ASIC2: variants seen among roughly 807,000 people sequenced by gnomAD.
The protein encoded by ASIC2 is acid sensing ion channel subunit 2, also known as acid-sensing ion channel 2.
A neutral mutation model predicts 57.3 loss-of-function variants in ASIC2; 25 were observed. The ratio of observed to expected loss-of-function variants is 0.44; its 90% confidence interval spans 0.32 to 0.61. The LOEUF is 0.61. ASIC2 is among the 20% of genes least tolerant of loss of function. The probability of loss-of-function intolerance (pLI) is 0.06; values close to 1 mark genes in which losing one functional copy is unlikely to be tolerated. For missense variants in ASIC2, 641 were observed against 738.1 expected (o/e 0.87, Z 1.52); for synonymous variants, 319 against 307.5 (o/e 1.04, Z -0.39).
intron 1 of ASIC2, among the ~76,000 whole-genome samples, chr17:34,014,606 C>T (rs1906880470): frequency 1.3e-5 from 2 of 152,166 alleles, no homozygotes; most frequent in Admixed American, 1.3e-4. Context: ...AAACACCAAA[C>T]GTGGCCACAG....
intron 1 of ASIC2, among the ~76,000 whole-genome samples, chr17:33,855,155 A>G (rs1913887624): frequency 6.6e-6 from 1 of 152,134 alleles, no homozygotes; most frequent in Admixed American, 6.5e-5. Flanking sequence ...CTGACACACG[A>G]GGGAGATGAT....
At chr17:34,079,480 A>G (rs1909798696) in intron 1 of ASIC2, among the ~76,000 whole-genome samples, 1 of 152,218 alleles carries the variant, frequency 6.6e-6, no homozygotes, top group Non-Finnish European at 1.5e-5. Flanking sequence ...CAGGTAGACC[A>G]GGTACCTCAC....
Position 33,655,632 on chromosome 17 carries a change from T to C in ASIC2, c.555+500346A>G, listed in dbSNP as rs549415619. Among the ~76,000 whole-genome samples, 24 of 152,316 alleles carry C rather than the reference T, an allele frequency of 1.6e-4. No homozygotes were observed. In the South Asian group the frequency reaches 2.3e-3, roughly 14 times the overall value. On this transcript the variant is annotated intron_variant, in intron 1 of 9. Transcript: ENST00000359872. ...GTTCCAGGAGGCCCTGTCCCTTAAT[T>C]ACCCTGTCTAATCCATCCTGTTCAG...
At chr17:33,935,677 G>A (rs148882732) in intron 1 of ASIC2, 1 of 152,248 alleles carries the variant, frequency 6.6e-6, no homozygotes, top group Non-Finnish European at 1.5e-5. Flanking sequence ...ACAGCTCAGA[G>A]GGTATAAATC....
chr17:33,534,946 AG>A (rs1176674728), intron 1 of ASIC2, among the ~76,000 whole-genome samples: 1 of 152,264 alleles, frequency 6.6e-6, no homozygotes, highest in East Asian at 1.9e-4. Flanking sequence ...TTGGCAGACC[AG>A]TCTAAGTGCC....
intron 1 of ASIC2, among the ~76,000 whole-genome samples, chr17:33,740,263 C>T (rs962997886): frequency 2.0e-5 from 3 of 152,208 alleles, no homozygotes; most frequent in African/African-American, 7.2e-5. Flanking sequence ...TTAGTGCGTT[C>T]TCACACTGCT....
intron 1 of ASIC2, among the ~76,000 whole-genome samples, chr17:33,952,447 A>T (rs1019633487): frequency 5.9e-5 from 9 of 152,148 alleles, no homozygotes; most frequent in Non-Finnish European, 1.2e-4. Context: ...ATAGGACCCC[A>T]CTTCTTAGGG....
intron 1 of ASIC2, among the ~76,000 whole-genome samples, chr17:33,988,021 T>G (rs1439389659): frequency 6.6e-6 from 1 of 152,156 alleles, no homozygotes; most frequent in Non-Finnish European, 1.5e-5. Flanking sequence ...CAAAGAAAAC[T>G]TCCTGGAAGA....
At chr17:33,097,618 G>T (rs1280536555) in intron 2 of ASIC2, among the ~76,000 whole-genome samples, 1 of 152,198 alleles carries the variant, frequency 6.6e-6, no homozygotes, top group Admixed American at 6.5e-5. Flanking sequence ...ACCCTCCCCT[G>T]CCTTTTGTTA....
intron 1 of ASIC2, among the ~76,000 whole-genome samples, chr17:33,147,543 G>T (rs1904610171): frequency 6.6e-6 from 1 of 152,016 alleles, no homozygotes; most frequent in African/African-American, 2.4e-5. Flanking sequence ...TTTCAATTCA[G>T]TATCTTTTTT....
chr17:33,875,417 G>A (rs148660616), intron 1 of ASIC2, among the ~76,000 whole-genome samples: 80 of 152,282 alleles, frequency 5.3e-4, no homozygotes, highest in African/African-American at 1.8e-3. Flanking sequence ...TAGTTGCTTT[G>A]GCAAAAGTGG....
intron 1 of ASIC2, among the ~76,000 whole-genome samples, chr17:33,860,763 TA>T (rs1468102659): frequency 1.3e-5 from 2 of 152,222 alleles, no homozygotes; most frequent in African/African-American, 4.8e-5. Context: ...AGCTCAAAGT[TA>T]AATAGTCTAT....
upstream of ASIC2, among the ~76,000 whole-genome samples, chr17:33,297,969 T>C (rs1905789557): frequency 6.8e-6 from 1 of 148,116 alleles, no homozygotes; most frequent in Admixed American, 6.7e-5. Context: ...TTTTTTTTTT[T>C]TGGTCTTATT....
At chr17:33,506,488 A>G (rs1269313082) in intron 1 of ASIC2, among the ~76,000 whole-genome samples, 3 of 151,878 alleles carry the variant, frequency 2.0e-5, no homozygotes, top group Non-Finnish European at 4.4e-5. Flanking sequence ...ACAGAGAGGA[A>G]GAGAGAGAAT....
intron 1 of ASIC2, among the ~76,000 whole-genome samples, chr17:33,519,120 G>A (rs986967582): frequency 5.9e-5 from 9 of 152,172 alleles, no homozygotes; most frequent in African/African-American, 9.7e-5. Flanking sequence ...GCGCCGGGCC[G>A]ATAACTACTC....
At chr17:33,269,972 T>G (rs1156459793) in intron 1 of ASIC2, among the ~76,000 whole-genome samples, 1 of 152,212 alleles carries the variant, frequency 6.6e-6, no homozygotes, top group Non-Finnish European at 1.5e-5. Flanking sequence ...CCAGCCCAGA[T>G]GCCTCTCTGC....
At position 34,156,152 on chromosome 17, in the gene ASIC2, A is replaced by T; in HGVS notation, c.381T>A (p.His127Gln). Residue 127 changes from histidine to glutamine, a missense_variant, in exon 1 of 10, where the codon CAT (histidine) becomes CAA (glutamine). Transcript: ENST00000359872. This position sits in a 1 kb window ranked among gnomAD's most constrained non-coding sequence, Gnocchi z 4.4. ...CCTCCAGCACGGAGGGGTCAGCCAGATGGGGGTCCGGGATCTGCAGGTTGA... is the reference window on the plus strand; with the variant it reads ...CCTCCAGCACGGAGGGGTCAGCCAGTTGGGGGTCCGGGATCTGCAGGTTGA... The T allele has an allele frequency of 6.2e-7, 1 of 1,614,040 alleles. No individual in the cohort carries two copies. The highest frequency in any genetic ancestry group is 8.5e-7 in the Non-Finnish European group (1 of 1,180,006).
At chr17:33,380,009 G>A (rs552924398) in intron 1 of ASIC2, among the ~76,000 whole-genome samples, 3 of 152,092 alleles carry the variant, frequency 2.0e-5, no homozygotes, top group Non-Finnish European at 2.9e-5. Flanking sequence ...ACTTTGGGAG[G>A]CTGAGGTGGG....
intron 1 of ASIC2, among the ~76,000 whole-genome samples, chr17:33,843,582 T>G (rs1318553297): frequency 6.6e-6 from 1 of 152,216 alleles, no homozygotes; most frequent in Non-Finnish European, 1.5e-5. Context: ...TATTCCTCTA[T>G]TTTCTTCTGC....
Sources: gnomAD v4.1 joint callset for allele counts (sites outside exome capture counted in the v4.1 genomes callset) on GRCh38, gnomAD v4.1.1 for gene constraint, Gnocchi (gnomAD v3.1) non-coding constraint, MANE v1.5 for transcripts, NCBI Gene and HGNC (gene_info 2026-07-23, HGNC 2026-07-21) for gene names.